RPL29: variants seen among roughly 807,000 people sequenced by gnomAD.
The protein encoded by RPL29 is large ribosomal subunit protein eL29.
RPL29 carries 4 observed loss-of-function variants against 7.2 expected under a neutral mutation model. The observed-to-expected ratio is 0.55, with a 90% CI of 0.27 to 1.26. The LOEUF (loss-of-function observed/expected upper bound fraction) is 1.26. RPL29 is among the 50% of genes most tolerant of loss of function. The probability of loss-of-function intolerance (pLI) is 0.11; values close to 1 mark genes in which losing one functional copy is unlikely to be tolerated. For missense variants in RPL29, 148 were observed against 209.1 expected, an observed-to-expected ratio of 0.71 and a Z score of 1.80; for synonymous variants, 73 against 72.8, an observed-to-expected ratio of 1.00 and a Z score of -0.01.
At chr3:51,995,330 C>T in intron 2 of RPL29, 95 bp downstream of exon 2, 8 of 1,359,608 alleles carry the variant, frequency 5.9e-6, no homozygotes, top group Non-Finnish European at 8.4e-6. Flanking sequence ...CAGCCTCAGG[C>T]CCACAATGGA....
chr3:51,994,945 C>T, intron 3 of RPL29, 97 bp downstream of exon 3: 4 of 1,083,002 alleles, frequency 3.7e-6, no homozygotes, highest in Non-Finnish European at 5.8e-6. Flanking sequence ...AGGCTGTGCT[C>T]AGGCAGAAGC....
chr3:51,994,023 G>A lies in RPL29; in HGVS notation c.206C>T (p.Ala69Val). The A allele has an allele frequency of 6.3e-7, 1 of 1,599,184 alleles. No individual in the cohort carries two copies. The highest frequency in any genetic ancestry group is 8.5e-7 in the Non-Finnish European group (1 of 1,179,518). Reference protein sequence around the residue: ...ANNAKAMSARAEAIKALVKPK... With the variant: ...ANNAKAMSARVEAIKALVKPK... ...CTTTACGAGGGCCTTGATAGCCTCGGCACGTGCACTCATGGCCTTGGCATT... is the reference window on the plus strand; with the variant it reads ...CTTTACGAGGGCCTTGATAGCCTCGACACGTGCACTCATGGCCTTGGCATT... The change falls in exon 4 of 4, where the codon GCC (alanine) becomes GTC (valine). Residue 69 changes from alanine to valine, a missense_variant. Ala to Val is a moderately conservative substitution (Grantham distance 64, BLOSUM62 0). Coordinates refer to ENST00000294189, the MANE Select transcript of RPL29 (RefSeq NM_000992.3).
chr3:51,994,544 G>A, intron 3 of RPL29: 1 of 352,084 alleles, frequency 2.8e-6, no homozygotes, highest in Non-Finnish European at 5.2e-6. Context: ...CTGAGGCTCA[G>A]AGTTTGTGAT....
chr3:51,995,227 T>C (rs879025442), intron 2 of RPL29, 121 bp from the exon 3 acceptor site: 1 of 1,009,938 alleles, frequency 9.9e-7, no homozygotes, highest in Middle Eastern at 2.2e-4. Flanking sequence ...ACTTGAGATA[T>C]GGGAAACCCT....
chr3:51,994,529 G>T (rs538526610), intron 3 of RPL29: 1 of 341,364 alleles, frequency 2.9e-6, no homozygotes, highest in Admixed American at 4.5e-5. Context: ...TGGGATATGG[G>T]GAAACTGAGG....
chr3:51,995,273 G>C, intron 2 of RPL29, 152 bp downstream of exon 2: 2 of 997,816 alleles, frequency 2.0e-6, no homozygotes, highest in South Asian at 2.9e-5. Flanking sequence ...ATCTCAAGTA[G>C]ATCTCTAAAC....
At chr3:51,995,148 C>CCT in intron 2 of RPL29, 42 bp from the exon 3 acceptor site, 1 of 1,553,854 alleles carries the variant, frequency 6.4e-7, no homozygotes, top group South Asian at 1.1e-5. Context: ...AAAGAACTTT[C>CCT]CTCTAATAAG....
In RPL29 at chr3:51,995,069, T is replaced by A. The variant is rs1488343166; in HGVS notation, c.75A>T (p.Arg25=). 1.2e-6 allele frequency: 2 copies of A among 1,612,324 alleles called. No homozygotes were observed. The highest frequency in any genetic ancestry group is 8.5e-7 in the Non-Finnish European group (1 of 1,179,466). Reference sequence around the variant, plus strand: ...CCTTAAGAGATTCGTATCTTTGTGATCGGGGTTTCTTGATACCATTTCTGT... The same window carrying A: ...CCTTAAGAGATTCGTATCTTTGTGAACGGGGTTTCTTGATACCATTTCTGT... ...KWHRNGIKKP[R]SQRYESLKGV... is the part of the protein sequence containing the mutation. The change falls in exon 3 of 4, where the codon CGA becomes CGT. Residue 25 remains arginine (R), a synonymous_variant. Transcript: ENST00000294189.
intron 3 of RPL29, 69 bp from the exon 4 acceptor site, chr3:51,994,195 T>C (rs971854248): frequency 4.0e-5 from 60 of 1,508,396 alleles, no homozygotes; most frequent in Middle Eastern, 1.8e-4. Flanking sequence ...CCCCTCTCCA[T>C]AGGGGTACCC....
At position 51,995,469 on chromosome 3, in the gene RPL29, C is replaced by T; in HGVS notation, c.-8G>A. 1.2e-6 allele frequency: 2 copies of T among 1,613,956 alleles called. No individual in the cohort carries two copies. The highest frequency in any genetic ancestry group is 1.7e-4 in the Middle Eastern group (1 of 5,938). On this transcript the variant is annotated splice_region_variant and 5_prime_UTR_variant, in exon 2 of 4. It adds an upstream start codon to the 5' untranslated region. Coordinates refer to ENST00000294189, the MANE Select transcript of RPL29 (RefSeq NM_000992.3). Reference sequence around the variant, plus strand: ...GTTCTTGGACTTGGCCATGTCTGCACCTGGAAGACAAAAGTGGAGATCAGG... The same window carrying T: ...GTTCTTGGACTTGGCCATGTCTGCATCTGGAAGACAAAAGTGGAGATCAGG...
At chr3:51,994,815 T>C (rs1701293634) in intron 3 of RPL29, 1 of 706,004 alleles carries the variant, frequency 1.4e-6, no homozygotes, top group Admixed American at 2.0e-5. Flanking sequence ...CAAACTGCCC[T>C]CAGGAGGCAG....
chr3:51,994,302 C>T (rs2106853058), intron 3 of RPL29, 176 bp from the exon 4 acceptor site: 1 of 759,856 alleles, frequency 1.3e-6, no homozygotes, highest in Middle Eastern at 3.9e-4. Flanking sequence ...CCCAGGGAGC[C>T]AATACGCCAC....
Position 51,993,791 on chromosome 3 carries a change from C to T in RPL29, c.438G>A (p.Gln146=). The T allele has an allele frequency of 6.3e-7, 1 of 1,596,114 alleles. No individual in the cohort carries two copies. Among genetic ancestry groups the T allele is most frequent in the Non-Finnish European group, 8.5e-7 (1 of 1,179,590 alleles). ...QAAAPASVPA[Q]APKRTQAPTK... ...TAGGGGCCTGGGTACGTTTGGGAGC[C>T]TGAGCTGGAACTGAAGCTGGGGCTG... Residue 146 remains glutamine, a synonymous_variant, in exon 4 of 4, where the codon CAG becomes CAA. Transcript: ENST00000294189.
Position 51,993,715 on chromosome 3 carries a change from A to C in RPL29, c.*34T>G. The C allele has an allele frequency of 6.5e-7, 1 of 1,542,808 alleles. No homozygotes were observed. The highest frequency in any genetic ancestry group is 8.7e-7 in the Non-Finnish European group (1 of 1,149,780). ...CCCAGGGGCGGGGGTGGGGGGTCGC[A>C]CCAGTCCTTCTGTCCTCATGTTGGC... On this transcript the variant is annotated 3_prime_UTR_variant, in exon 4 of 4. Coordinates refer to ENST00000294189, the MANE Select transcript of RPL29 (RefSeq NM_000992.3).
In RPL29 at chr3:51,995,307, G is replaced by A; in HGVS notation, c.37+118C>T. 2.5e-6 allele frequency: 3 copies of A among 1,189,646 alleles called. No homozygotes were observed. In the South Asian group the frequency reaches 3.7e-5, roughly 15 times the overall value. 73.7% of individuals were successfully genotyped at this position (1,189,646 alleles called of 1,614,324 possible). A position where few individuals can be genotyped will look rare whatever the true frequency, so the allele number is the denominator to read the frequency against. On this transcript the variant is annotated intron_variant, in intron 2 of 3. Coordinates refer to ENST00000294189, the MANE Select transcript of RPL29 (RefSeq NM_000992.3). ...ACCTATAAACCCTAAAGTTATTACT[G>A]GGTGAAATCAATCAGCCTCAGGCCC...
Position 51,995,045 on chromosome 3 carries a change from C to G in RPL29, c.99G>C (p.Lys33Asn). Residue 33 changes from lysine (K) to asparagine (N), a missense_variant, in exon 3 of 4, where the codon AAG becomes AAC. Physicochemically the swap from Lys to Asn is moderately conservative, Grantham distance 94. Coordinates refer to ENST00000294189, the MANE Select transcript of RPL29 (RefSeq NM_000992.3). ...CCATGTGATTCAGTGCACTCACCCC[C>G]TTAAGAGATTCGTATCTTTGTGATC... The part of the protein sequence containing the change: ...KPRSQRYESL[K>N]GVDPKFLRNM... 6.2e-7 allele frequency: 1 copy of G among 1,612,892 alleles called. No individual in the cohort carries two copies. The highest frequency in any genetic ancestry group is 1.7e-5 in the Admixed American group (1 of 60,026).
Position 51,993,887 on chromosome 3 carries a change from C to G in RPL29, c.342G>C (p.Lys114Asn). 1 of 1,596,486 alleles carries G rather than the reference C, an allele frequency of 6.3e-7. No homozygotes were observed. Among genetic ancestry groups the G allele is most frequent in the Non-Finnish European group, 8.5e-7 (1 of 1,179,784 alleles). ...LGKRARARIA[K>N]GLRLCRPKAK... ...CCTTTGGCCGGCACAGCCTGAGCCC[C>G]TTGGCAATACGGGCACGAGCACGCT... Residue 114 changes from lysine to asparagine, a missense_variant, in exon 4 of 4, where the codon AAG becomes AAC. Lys to Asn is a moderately conservative substitution (Grantham distance 94). Transcript: ENST00000294189.
At chr3:51,995,344 G>T in intron 2 of RPL29, 81 bp downstream of exon 2, 1 of 1,463,820 alleles carries the variant, frequency 6.8e-7, no homozygotes, top group Non-Finnish European at 9.6e-7. Context: ...CAATGGAAAC[G>T]TGCCCCTTCA....
chr3:51,994,738 T>G (rs1356360770), intron 3 of RPL29: 2 of 681,178 alleles, frequency 2.9e-6, no homozygotes, highest in East Asian at 2.7e-5. Context: ...TGTGGGAATG[T>G]GCCCTGCACG....
Sources: allele counts gnomAD v4.1 joint callset, GRCh38; gene constraint gnomAD v4.1.1; transcripts MANE v1.5; gene names NCBI Gene and HGNC (gene_info 2026-07-23, HGNC 2026-07-21).